Variants in NHSL1 observed in about 807,000 individuals in gnomAD.
NHSL1 encodes NHS-like protein 1.
In NHSL1, 48 loss-of-function variants were observed where a neutral mutation model predicts 95.0. The observed-to-expected ratio is 0.51, with a 90% CI of 0.40 to 0.64. The LOEUF (loss-of-function observed/expected upper bound fraction) is 0.64, where lower values mean the gene tolerates loss of function less well. Ranked by LOEUF, NHSL1 falls within the 30% of genes least tolerant of loss-of-function variation. NHSL1 has a pLI of 0.00. For missense variants in NHSL1, 1,971 were observed against 2,077.7 expected (o/e 0.95, Z 1.00); for synonymous variants, 783 against 833.9 (o/e 0.94, Z 1.05).
intron 1 of NHSL1, among the ~76,000 whole-genome samples, chr6:138,584,832 G>A (rs1468842105): frequency 2.0e-5 from 3 of 152,166 alleles, no homozygotes; most frequent in African/African-American, 4.8e-5. Context: ...GAGCACAGAC[G>A]GAGACATTTG....
At chr6:138,573,080 G>C (rs930567762), upstream of NHSL1, among the ~76,000 whole-genome samples, 2 of 152,114 alleles carry the variant, frequency 1.3e-5, no homozygotes, top group African/African-American at 4.8e-5. Flanking sequence ...CTCCTCTGCC[G>C]TATCACTGGG....
At chr6:138,664,935 G>T (rs1328613828) in intron 1 of NHSL1, among the ~76,000 whole-genome samples, 1 of 152,170 alleles carries the variant, frequency 6.6e-6, no homozygotes, top group Non-Finnish European at 1.5e-5. Flanking sequence ...CTGATTGGAT[G>T]AGGCCCACCC....
intron 3 of NHSL1, among the ~76,000 whole-genome samples, chr6:138,467,164 T>A (rs1238393412): frequency 6.6e-6 from 1 of 151,746 alleles, no homozygotes; most frequent in Non-Finnish European, 1.5e-5. Context: ...TATATATATA[T>A]ATTTTTTTGA....
At chr6:138,620,167 T>C (rs188475613) in intron 1 of NHSL1, among the ~76,000 whole-genome samples, 5 of 152,140 alleles carry the variant, frequency 3.3e-5, no homozygotes, top group Admixed American at 3.3e-4. Flanking sequence ...AAAGAAGAGC[T>C]TGAAAGAAAA....
chr6:138,464,678 T>C (rs550499769), intron 3 of NHSL1, among the ~76,000 whole-genome samples: 1 of 151,948 alleles, frequency 6.6e-6, no homozygotes, highest in Admixed American at 6.6e-5. Context: ...TACGTTCAAA[T>C]AGCTAGATAT....
At chr6:138,624,723 G>C (rs796953253) in intron 1 of NHSL1, among the ~76,000 whole-genome samples, 2 of 152,088 alleles carry the variant, frequency 1.3e-5, no homozygotes, top group East Asian at 1.9e-4. Flanking sequence ...ATCAAACCTC[G>C]TCTAACATGT....
chr6:138,507,403 C>A lies in NHSL1; in HGVS notation c.17-11032G>T, dbSNP rs190374301. Among the ~76,000 whole-genome samples, 30 of 152,242 alleles carry A rather than the reference C, an allele frequency of 2.0e-4. 2 individuals carry two copies. The South Asian group carries it at 3.5e-3, about 18-fold the overall frequency. On this transcript the variant is annotated intron_variant, in intron 1 of 4. Coordinates refer to the NHSL1 transcript ENST00000342260. ...TATCAAATAATTAACACTACTACTA[C>A]TAATAATAATGGGAATGTGCCAGAT...
At chr6:138,681,405 G>A (rs980179660) in intron 1 of NHSL1, among the ~76,000 whole-genome samples, 2 of 152,148 alleles carry the variant, frequency 1.3e-5, no homozygotes, top group Non-Finnish European at 2.9e-5. Context: ...TAAATTACAT[G>A]AAAATTTATG....
chr6:138,618,521 G>A (rs1251955192), intron 1 of NHSL1, among the ~76,000 whole-genome samples: 1 of 152,176 alleles, frequency 6.6e-6, no homozygotes, highest in East Asian at 1.9e-4. Context: ...TTAGGTCATT[G>A]CAGAAAAGCT....
chr6:138,648,632 G>A (rs981673398), intron 1 of NHSL1, among the ~76,000 whole-genome samples: 3 of 152,164 alleles, frequency 2.0e-5, no homozygotes, highest in African/African-American at 7.2e-5. Flanking sequence ...GCACAGTATC[G>A]ATTCTGCTGA....
intron 1 of NHSL1, among the ~76,000 whole-genome samples, chr6:138,624,825 T>G (rs1165496937): frequency 6.6e-6 from 1 of 152,194 alleles, no homozygotes; most frequent in African/African-American, 2.4e-5. Context: ...GGTAGACCCT[T>G]GGAAGGATTC....
At position 138,571,849 on chromosome 6, in the gene NHSL1, AC is replaced by A. The variant is rs748242909; in HGVS notation, c.62del (p.Arg21LeufsTer3). The A allele has an allele frequency of 6.4e-7, 1 of 1,551,824 alleles. No individual in the cohort carries two copies. The highest frequency in any genetic ancestry group is 1.2e-5 in the South Asian group (1 of 84,046). ...AGGAGAAATTTATCCAACTTACAGC[AC>A]GTGAGAGAGAACCTGTATTCGGCTG... On this transcript the variant is annotated frameshift_variant, in exon 1 of 7. Coordinates refer to the NHSL1 transcript ENST00000427025. LOFTEE classifies it high-confidence loss of function.
chr6:138,518,950 G>A (rs887843985), intron 1 of NHSL1, among the ~76,000 whole-genome samples: 19 of 152,174 alleles, frequency 1.2e-4, no homozygotes, highest in South Asian at 6.2e-4. Context: ...CCGGGGAGGC[G>A]GAGGATGCAG....
upstream of NHSL1, chr6:138,545,828 A>G: frequency 8.6e-7 from 1 of 1,164,278 alleles, no homozygotes; most frequent in Non-Finnish European, 1.1e-6. Context: ...ACACCTCCCT[A>G]TCTCTCCTGG....
chr6:138,568,198 G>A (rs529113143), intron 1 of NHSL1, among the ~76,000 whole-genome samples: 74 of 152,198 alleles, frequency 4.9e-4, no homozygotes, highest in African/African-American at 1.6e-3. Flanking sequence ...TCCTTTATGC[G>A]GACCTTCTCA....
chr6:138,455,067 A>C (rs1435836659), intron 3 of NHSL1, among the ~76,000 whole-genome samples: 1 of 152,236 alleles, frequency 6.6e-6, no homozygotes, highest in Non-Finnish European at 1.5e-5. Flanking sequence ...TTGCAGGCAA[A>C]AAGGCGTGGG....
chr6:138,605,070 T>C (rs1234737698), intron 1 of NHSL1, among the ~76,000 whole-genome samples: 4 of 152,180 alleles, frequency 2.6e-5, no homozygotes, highest in Non-Finnish European at 5.9e-5. Flanking sequence ...AGTACAGAGA[T>C]TGGTACACTC....
At chr6:138,608,731 T>C (rs73566604) in intron 1 of NHSL1, among the ~76,000 whole-genome samples, 225 of 152,338 alleles carry the variant, frequency 1.5e-3, no homozygotes, top group African/African-American at 5.2e-3. Flanking sequence ...CAGAGCGGCC[T>C]CCTTCAACTG....
At position 138,521,883 on chromosome 6, in the gene NHSL1, A is replaced by G. The variant is rs532370122; in HGVS notation, c.16+23740T>C. Among the ~76,000 whole-genome samples the G allele has an allele frequency of 7.9e-5, 12 of 152,316 alleles. No individual in the cohort carries two copies. In the South Asian group the frequency reaches 8.3e-4, roughly 11 times the overall value. Reference sequence around the variant, plus strand: ...AGATACTTAAAGCCACTTAAAGAGAACATCAAGGGAAAGAGGGCAGGAAGA... The same window carrying G: ...AGATACTTAAAGCCACTTAAAGAGAGCATCAAGGGAAAGAGGGCAGGAAGA... On this transcript the variant is annotated intron_variant, in intron 1 of 4. Transcript: ENST00000342260.
Sources: allele counts gnomAD v4.1 joint callset (sites outside exome capture counted in the v4.1 genomes callset), GRCh38; gene constraint gnomAD v4.1.1; transcripts MANE v1.5; gene names NCBI Gene and HGNC (gene_info 2026-07-23, HGNC 2026-07-21).